ARVCF: variants seen among roughly 807,000 people sequenced by gnomAD.
ARVCF encodes the protein ARVCF delta catenin family member.
In ARVCF, 66 loss-of-function variants were observed where a neutral mutation model predicts 90.9. The ratio of observed to expected loss-of-function variants is 0.73; its 90% CI spans 0.60 to 0.89. ARVCF has a LOEUF of 0.89. ARVCF is among the 40% of genes least tolerant of loss of function. ARVCF has a pLI of 0.00. For missense variants in ARVCF, 1,469 were observed against 1,382.3 expected, an observed-to-expected ratio of 1.06 and a Z score of -1.00; for synonymous variants, 653 against 603.4, an observed-to-expected ratio of 1.08 and a Z score of -1.21.
At chr22:19,981,777 G>A in intron 4 of ARVCF, 40 bp from the exon 5 acceptor site, 1 of 1,551,026 alleles carries the variant, frequency 6.4e-7, no homozygotes, top group Non-Finnish European at 8.7e-7. Context: ...TAGCACGAGA[G>A]GCCTAGAAAC....
chr22:19,968,621 G>A (rs200150695), downstream of ARVCF: 18 of 1,613,970 alleles, frequency 1.1e-5, no homozygotes, highest in Admixed American at 1.7e-5. Flanking sequence ...GCACACGTGC[G>A]CGGGAGCAGC....
At chr22:19,994,366 G>A (rs1162420153) in intron 2 of ARVCF, among the ~76,000 whole-genome samples, 1 of 148,774 alleles carries the variant, frequency 6.7e-6, no homozygotes, top group African/African-American at 2.5e-5. Flanking sequence ...ATGGATGGAT[G>A]GGTGGGTGGG....
chr22:19,999,300 C>T (rs376244420), intron 2 of ARVCF, among the ~76,000 whole-genome samples: 64 of 152,308 alleles, frequency 4.2e-4, no homozygotes, highest in African/African-American at 1.5e-3. Flanking sequence ...CTAACTAAGC[C>T]CCTGGGGTGG....
At chr22:19,983,463 G>A (rs1349145437) in intron 3 of ARVCF, among the ~76,000 whole-genome samples, 1 of 152,222 alleles carries the variant, frequency 6.6e-6, no homozygotes, top group Non-Finnish European at 1.5e-5. Flanking sequence ...TCCTATCCTG[G>A]GGGAATACTT....
intron 3 of ARVCF, among the ~76,000 whole-genome samples, chr22:19,985,587 T>C (rs557722288): frequency 1.8e-4 from 27 of 152,340 alleles, no homozygotes; most frequent in Admixed American, 2.0e-4. Flanking sequence ...CTCACTTTTG[T>C]GGCAAAATGC....
intron 3 of ARVCF, among the ~76,000 whole-genome samples, chr22:19,982,608 A>G (rs960917455): frequency 6.6e-6 from 1 of 152,162 alleles, no homozygotes; most frequent in African/African-American, 2.4e-5. Context: ...CTGTTTCAGC[A>G]CTGCCTACTG....
chr22:19,982,667 C>T (rs1342732834), intron 3 of ARVCF, among the ~76,000 whole-genome samples: 1 of 152,196 alleles, frequency 6.6e-6, no homozygotes, highest in East Asian at 1.9e-4. Context: ...AGCCAGACGC[C>T]CTCAAGGGAC....
At chr22:19,985,356 G>A (rs1028331498) in intron 3 of ARVCF, among the ~76,000 whole-genome samples, 1 of 152,216 alleles carries the variant, frequency 6.6e-6, no homozygotes, top group African/African-American at 2.4e-5. Context: ...TGCTGCCCAG[G>A]CCTGGGGTTT....
intron 2 of ARVCF, among the ~76,000 whole-genome samples, chr22:20,006,038 A>G (rs1360065144): frequency 1.3e-5 from 2 of 152,210 alleles, no homozygotes. Context: ...ATACTGTGAG[A>G]TTCTATTTAT....
chr22:19,979,948 C>T lies in ARVCF; in HGVS notation c.1191G>A (p.Arg397=), dbSNP rs781503892. ...FENEGVKRRV[R]QLRGLPLLVA... ...CAAGCAGCGGCAGCCCCCGCAACTGCCGTACACGCCGCTTGACACCCTCGT... is the reference window on the plus strand; with the variant it reads ...CAAGCAGCGGCAGCCCCCGCAACTGTCGTACACGCCGCTTGACACCCTCGT... The change falls in exon 6 of 20, where the codon CGG becomes CGA. Residue 397 remains arginine, a synonymous_variant. Transcript: ENST00000263207. 8.2e-6 allele frequency: 13 copies of T among 1,594,888 alleles called. No homozygotes were observed. The East Asian group carries it at 2.7e-4, about 33-fold the overall frequency.
At chr22:20,006,117 T>C (rs1184977563) in intron 2 of ARVCF, among the ~76,000 whole-genome samples, 1 of 149,362 alleles carries the variant, frequency 6.7e-6, no homozygotes, top group Non-Finnish European at 1.5e-5. Context: ...AAACGGGGAG[T>C]TTTCTAATGG....
In ARVCF at chr22:19,974,147, C is replaced by A; in HGVS notation, c.2053G>T (p.Gly685Cys). 5 of 1,612,640 alleles carry A rather than the reference C, an allele frequency of 3.1e-6. No homozygotes were observed. Among genetic ancestry groups the A allele is most frequent in the Non-Finnish European group, 4.2e-6 (5 of 1,179,734 alleles). The change falls in exon 12 of 20, where the codon GGC becomes TGC. Residue 685 changes from glycine to cysteine, a missense_variant. Gly to Cys is a radical substitution (Grantham distance 159, BLOSUM62 -3). Coordinates refer to ENST00000263207, the MANE Select transcript of ARVCF (RefSeq NM_001670.3). ...CCGGCACTGAGGTTCTGCAGAGCGC[C>A]GGCGGCAGCCTCCAGGGTGTTGAAG... is the stretch of plus-strand genomic sequence containing the variant. ...RNFNTLEAAA[G>C]ALQNLSAGNW... is the part of the protein sequence containing the mutation.
intron 9 of ARVCF, 78 bp from the exon 10 acceptor site, chr22:19,976,801 G>A (rs557049006): frequency 3.3e-5 from 50 of 1,500,782 alleles, no homozygotes; most frequent in South Asian, 4.8e-5. Context: ...ATGCCCTCCC[G>A]GAAGCCTCAG....
chr22:19,977,287 G>T, intron 9 of ARVCF, 128 bp downstream of exon 9: 1 of 1,280,494 alleles, frequency 7.8e-7, no homozygotes, highest in Non-Finnish European at 1.0e-6. Flanking sequence ...TGGCTTCCCT[G>T]CCTGCCTGTT....
At chr22:19,998,766 T>G (rs1944345645) in intron 2 of ARVCF, among the ~76,000 whole-genome samples, 1 of 152,082 alleles carries the variant, frequency 6.6e-6, no homozygotes, top group Middle Eastern at 3.2e-3. Context: ...AAGTCCTCCG[T>G]GGGAGGGCAG....
intron 2 of ARVCF, among the ~76,000 whole-genome samples, chr22:20,009,598 C>A (rs796963108): frequency 5.3e-5 from 8 of 152,340 alleles, no homozygotes; most frequent in African/African-American, 1.9e-4. Context: ...TGGCCAGGAG[C>A]CATTCTCTTA....
At chr22:20,013,171 TA>T (rs1944898323) in intron 1 of ARVCF, among the ~76,000 whole-genome samples, 1 of 152,266 alleles carries the variant, frequency 6.6e-6, no homozygotes, top group African/African-American at 2.4e-5. Context: ...TGCTGTCCAC[TA>T]CAGCAAAACC....
chr22:19,973,067 C>CCCCA, intron 14 of ARVCF, 31 bp from the exon 15 acceptor site: 1 of 1,585,936 alleles, frequency 6.3e-7, no homozygotes, highest in African/African-American at 1.3e-5. Context: ...TCAGTGGTGG[C>CCCCA]CCCTCCCCCA....
At chr22:19,989,119 A>T (rs1163615377) in intron 3 of ARVCF, among the ~76,000 whole-genome samples, 1 of 152,060 alleles carries the variant, frequency 6.6e-6, no homozygotes, top group Non-Finnish European at 1.5e-5. Flanking sequence ...TATATGGCCC[A>T]GCTGGGCCCA....
Sources: allele counts gnomAD v4.1 joint callset (sites outside exome capture counted in the v4.1 genomes callset), GRCh38; gene constraint gnomAD v4.1.1; transcripts MANE v1.5; gene names NCBI Gene and HGNC (gene_info 2026-07-23, HGNC 2026-07-21).